HS6ST3: variants seen among roughly 807,000 people sequenced by gnomAD.
HS6ST3 encodes the protein heparan sulfate 6-O-sulfotransferase 3, also known as heparan-sulfate 6-O-sulfotransferase 3.
A neutral mutation model predicts 36.7 loss-of-function variants in HS6ST3; 12 were observed. The observed-to-expected ratio is 0.33, with a 90% CI of 0.21 to 0.53. HS6ST3 has a LOEUF of 0.53. Among genes scored for constraint, HS6ST3 ranks in the 20% least tolerant of loss-of-function variants. HS6ST3 has a pLI of 0.95. For synonymous variants in HS6ST3, 240 were observed against 257.5 expected, an observed-to-expected ratio of 0.93 and a Z score of 0.65; for missense variants, 584 against 640.9, an observed-to-expected ratio of 0.91 and a Z score of 0.96.
chr13:96,416,256 A>G (rs1357374834), intron 1 of HS6ST3, among the ~76,000 whole-genome samples: 1 of 152,178 alleles, frequency 6.6e-6, no homozygotes, highest in Non-Finnish European at 1.5e-5. Flanking sequence ...TTCTCATCCA[A>G]TTGGTGTTGC....
intron 1 of HS6ST3, among the ~76,000 whole-genome samples, chr13:96,389,876 G>A (rs2055387309): frequency 6.6e-6 from 1 of 152,162 alleles, no homozygotes; most frequent in East Asian, 1.9e-4. Context: ...CACATGCCAG[G>A]TGAAAGTGGA....
intron 1 of HS6ST3, among the ~76,000 whole-genome samples, chr13:96,353,198 T>G (rs1356810356): frequency 6.6e-6 from 1 of 151,462 alleles, no homozygotes; most frequent in African/African-American, 2.4e-5. Flanking sequence ...GGACTATAGG[T>G]GTGTTTTGTA....
chr13:96,102,431 A>C (rs1255171219), intron 1 of HS6ST3, among the ~76,000 whole-genome samples: 1 of 152,090 alleles, frequency 6.6e-6, no homozygotes, highest in East Asian at 1.9e-4. Flanking sequence ...GCAGTGAGCC[A>C]ATATCGGGCC....
chr13:96,425,161 TCTC>T (rs1466010795), intron 1 of HS6ST3, among the ~76,000 whole-genome samples: 1 of 152,182 alleles, frequency 6.6e-6, no homozygotes, highest in African/African-American at 2.4e-5. Flanking sequence ...CGAAGCCTCT[TCTC>T]TGTCAAATGG....
intron 1 of HS6ST3, among the ~76,000 whole-genome samples, chr13:96,223,658 G>C (rs982075739): frequency 3.3e-5 from 5 of 152,090 alleles, no homozygotes; most frequent in East Asian, 3.9e-4. Flanking sequence ...GGATATGGGG[G>C]GGGGGAAGTT....
At chr13:96,332,000 T>C (rs550600684) in intron 1 of HS6ST3, among the ~76,000 whole-genome samples, 1 of 152,368 alleles carries the variant, frequency 6.6e-6, no homozygotes, top group East Asian at 1.9e-4. Flanking sequence ...CCTGACCCCT[T>C]GCGCTTCCCA....
At chr13:96,245,631 C>T (rs1184616767) in intron 1 of HS6ST3, among the ~76,000 whole-genome samples, 1 of 152,066 alleles carries the variant, frequency 6.6e-6, no homozygotes, top group African/African-American at 2.4e-5. Flanking sequence ...GTCCAGACTG[C>T]CTTTAGAGCC....
At chr13:96,395,839 A>G (rs2055418346) in intron 1 of HS6ST3, among the ~76,000 whole-genome samples, 1 of 152,158 alleles carries the variant, frequency 6.6e-6, no homozygotes, top group Non-Finnish European at 1.5e-5. Flanking sequence ...TATAGGGGAT[A>G]CAAGGAGGGA....
chr13:96,765,198 G>C (rs572502583), intron 1 of HS6ST3, among the ~76,000 whole-genome samples: 16 of 151,492 alleles, frequency 1.1e-4, no homozygotes, highest in East Asian at 5.9e-4. Flanking sequence ...CTCAGCCTCC[G>C]GAGTAGCTGG....
At chr13:96,632,351 C>A (rs1434976665) in intron 1 of HS6ST3, among the ~76,000 whole-genome samples, 1 of 149,232 alleles carries the variant, frequency 6.7e-6, no homozygotes, top group South Asian at 2.1e-4. Flanking sequence ...TTGTTTTTTT[C>A]TGACCCATTC....
intron 1 of HS6ST3, among the ~76,000 whole-genome samples, chr13:96,346,013 G>A (rs78241621): frequency 0.017 from 2,526 of 152,226 alleles, 48 homozygotes; most frequent in East Asian, 0.077. Flanking sequence ...AACATGTGCA[G>A]TTCACAATAG....
At chr13:96,379,175 T>C (rs1345955454) in intron 1 of HS6ST3, among the ~76,000 whole-genome samples, 1 of 152,214 alleles carries the variant, frequency 6.6e-6, no homozygotes, top group Non-Finnish European at 1.5e-5. Context: ...CACATCGTCA[T>C]AAATGATTTA....
At chr13:96,176,286 T>C (rs924852606) in intron 1 of HS6ST3, among the ~76,000 whole-genome samples, 1 of 152,190 alleles carries the variant, frequency 6.6e-6, no homozygotes, top group Non-Finnish European at 1.5e-5. Flanking sequence ...GGAAAAGAAC[T>C]GAGGTGTGTC....
intron 1 of HS6ST3, among the ~76,000 whole-genome samples, chr13:96,323,684 A>G (rs2055016012): frequency 6.6e-6 from 1 of 152,110 alleles, no homozygotes; most frequent in African/African-American, 2.4e-5. Context: ...TTTAGTCAGC[A>G]TCATCTCCAC....
At chr13:96,685,225 C>T (rs563418818) in intron 1 of HS6ST3, among the ~76,000 whole-genome samples, 10 of 152,132 alleles carry the variant, frequency 6.6e-5, no homozygotes, top group Admixed American at 2.0e-4. Flanking sequence ...TTTGGCACTA[C>T]GTGGCCCAGA....
At chr13:96,205,533 A>G (rs2054365604) in intron 1 of HS6ST3, among the ~76,000 whole-genome samples, 1 of 152,124 alleles carries the variant, frequency 6.6e-6, no homozygotes, top group Non-Finnish European at 1.5e-5. Context: ...ACAAAAAAAA[A>G]CTTCAGGCCA....
At chr13:96,742,046 T>A (rs1007834387) in intron 1 of HS6ST3, among the ~76,000 whole-genome samples, 2 of 152,136 alleles carry the variant, frequency 1.3e-5, no homozygotes, top group African/African-American at 4.8e-5. Context: ...TATATGAACA[T>A]CCCGTTGAGA....
At chr13:96,322,770 T>G (rs2055010743) in intron 1 of HS6ST3, among the ~76,000 whole-genome samples, 1 of 152,186 alleles carries the variant, frequency 6.6e-6, no homozygotes, top group Non-Finnish European at 1.5e-5. Flanking sequence ...ATAATCAGGC[T>G]TTCTTTCTGT....
chr13:96,234,295 A>C (rs1280470072), intron 1 of HS6ST3, among the ~76,000 whole-genome samples: 1 of 152,102 alleles, frequency 6.6e-6, no homozygotes, highest in Admixed American at 6.5e-5. Context: ...CTGTAATCCC[A>C]GCTACTAGGG....
Sources: gnomAD v4.1 joint callset for allele counts (sites outside exome capture counted in the v4.1 genomes callset) on GRCh38, gnomAD v4.1.1 for gene constraint, MANE v1.5 for transcripts, NCBI Gene and HGNC (gene_info 2026-07-23, HGNC 2026-07-21) for gene names.